The following NUP153 variants were observed in gnomAD, a reference collection of about 807,000 sequenced individuals.
NUP153 encodes nucleoporin 153.
A neutral mutation model predicts 134.6 loss-of-function variants in NUP153; 27 were observed. The ratio of observed to expected loss-of-function variants is 0.20; its 90% confidence interval spans 0.15 to 0.28. The LOEUF is 0.28. NUP153 is among the 10% of genes least tolerant of loss of function. The pLI is 1.00. For synonymous variants in NUP153, 640 were observed against 623.5 expected (o/e 1.03, Z -0.40); for missense variants, 1,821 against 1,731.3 (o/e 1.05, Z -0.92).
At position 17,628,992 on chromosome 6, in the gene NUP153, T is replaced by A; in HGVS notation, c.3207A>T (p.Glu1069Asp). The change falls in exon 18 of 22, where the codon GAA becomes GAT. Residue 1069 changes from glutamate to aspartate, a missense_variant. Glu to Asp is a conservative substitution (Grantham distance 45, BLOSUM62 2). Coordinates refer to ENST00000262077, the MANE Select transcript of NUP153 (RefSeq NM_005124.4). This position sits in a 1 kb window ranked among gnomAD's most constrained non-coding sequence, Gnocchi z 5.4. ...TGGCAGGCATTTCTTCTTTTTTAGC[T>A]TCTGATGTCTTACATGTGAAAGGAG... ...SVAPFTCKTS[E>D]AKKEEMPATK... 1 of 1,614,164 alleles carries A rather than the reference T, an allele frequency of 6.2e-7. No individual in the cohort carries two copies. The highest frequency in any genetic ancestry group is 1.1e-5 in the South Asian group (1 of 91,078).
At position 17,640,048 on chromosome 6, in the gene NUP153, T is replaced by C. The variant is rs368424345; in HGVS notation, c.1737A>G (p.Thr579=). 5 of 1,587,456 alleles carry C rather than the reference T, an allele frequency of 3.1e-6. No individual in the cohort carries two copies. The highest frequency in any genetic ancestry group is 3.4e-6 in the Non-Finnish European group (4 of 1,168,718). The change falls in exon 15 of 22, where the codon ACA becomes ACG. Residue 579 remains threonine, a synonymous_variant. Coordinates refer to ENST00000262077, the MANE Select transcript of NUP153 (RefSeq NM_005124.4). ...IISSSAHHVT[T]VNSTNCKKTP... ...TCTTCTTACAATTTGTACTGTTCAC[T>C]GTAGTGACATGATGAGCTGTAATTT...
At chr6:17,618,486 G>A (rs1328695495) in intron 20 of NUP153, among the ~76,000 whole-genome samples, 5 of 151,746 alleles carry the variant, frequency 3.3e-5, no homozygotes, top group Non-Finnish European at 5.9e-5. Context: ...GAACCCAGAG[G>A]GGCATAAAAA....
intron 13 of NUP153, among the ~76,000 whole-genome samples, chr6:17,646,452 C>T (rs1266448337): frequency 5.3e-5 from 8 of 152,078 alleles, no homozygotes; most frequent in South Asian, 2.1e-4. Flanking sequence ...GTGATCCGCC[C>T]GCCTCGGCCT....
At chr6:17,696,679 C>T (rs1157660373) in intron 1 of NUP153, among the ~76,000 whole-genome samples, 4 of 151,496 alleles carry the variant, frequency 2.6e-5, no homozygotes, top group Admixed American at 6.6e-5. Context: ...GGCGTGAACC[C>T]GGCAGGCGGA....
chr6:17,629,439 G>A lies in NUP153; in HGVS notation c.2760C>T (p.Ser920=), dbSNP rs2113773129. The A allele has an allele frequency of 6.2e-7, 1 of 1,614,016 alleles. No individual in the cohort carries two copies. The highest frequency in any genetic ancestry group is 8.5e-7 in the Non-Finnish European group (1 of 1,179,988). The change falls in exon 18 of 22, where the codon AGC becomes AGT. Residue 920 remains serine (S), a synonymous_variant. Coordinates refer to ENST00000262077, the MANE Select transcript of NUP153 (RefSeq NM_005124.4). ...SSSGPSQTLT[S]TGNFKFGDQG... ...GATCTCCAAATTTAAAATTTCCAGT[G>A]CTTGTTAAAGTCTGAGAAGGCCCAG...
At chr6:17,632,607 A>G (rs1376666467) in intron 17 of NUP153, 43 bp downstream of exon 17, 1 of 1,490,596 alleles carries the variant, frequency 6.7e-7, no homozygotes, top group African/African-American at 1.4e-5. Flanking sequence ...CCTTACAAAA[A>G]GGCGCTTTAC....
chr6:17,691,098 C>T (rs1009089266), intron 1 of NUP153, among the ~76,000 whole-genome samples: 4 of 152,056 alleles, frequency 2.6e-5, no homozygotes, highest in African/African-American at 9.7e-5. Context: ...GCTAAGATCA[C>T]GCCATTGCAC....
chr6:17,667,457 G>A (rs1767600230), intron 8 of NUP153, among the ~76,000 whole-genome samples: 1 of 152,206 alleles, frequency 6.6e-6, no homozygotes, highest in South Asian at 2.1e-4. Context: ...GCTCACGCCT[G>A]TAATCCCAGC....
Position 17,616,132 on chromosome 6 carries a change from G to A in NUP153, c.4393C>T (p.Arg1465Cys), listed in dbSNP as rs1764303191. Residue 1465 changes from arginine to cysteine, a missense_variant, in exon 22 of 22, where the codon CGC (arginine) becomes TGC (cysteine). Coordinates refer to ENST00000262077, the MANE Select transcript of NUP153 (RefSeq NM_005124.4). ...CGTCTAACAGCAGTCTTTATCTTGC[G>A]ACCAGAGAATGAAGTTCCAGAAGAA... ...FSSSGTSFSG[R>C]KIKTAVRRRK is the part of the protein sequence containing the mutation. The A allele has an allele frequency of 2.5e-6, 4 of 1,613,686 alleles. No homozygotes were observed. The highest frequency in any genetic ancestry group is 1.1e-5 in the South Asian group (1 of 91,026).
intron 14 of NUP153, among the ~76,000 whole-genome samples, chr6:17,643,345 G>A (rs1232395736): frequency 6.6e-6 from 1 of 152,132 alleles, no homozygotes. Flanking sequence ...GGTGGCAGGT[G>A]CCTGTAATCA....
chr6:17,632,596 G>T, intron 17 of NUP153, 54 bp downstream of exon 17: 2 of 1,346,372 alleles, frequency 1.5e-6, no homozygotes, highest in Non-Finnish European at 2.0e-6. Context: ...TTTTTAAATG[G>T]CCTTACAAAA....
rs552097641 is a variant in NUP153, at chr6:17,686,378, T to C, written c.334+2018A>G. ...CTAGGTTAATGTGCGCATGTCTTAA[T>C]TGTTAACAAACCTTTTTTTTATTTC... On this transcript the variant is annotated intron_variant, in intron 2 of 21. Coordinates refer to ENST00000262077, the MANE Select transcript of NUP153 (RefSeq NM_005124.4). Among the ~76,000 whole-genome samples, 3 of 152,134 alleles carry C rather than the reference T, an allele frequency of 2.0e-5. No individual in the cohort carries two copies. In the East Asian group the frequency reaches 5.8e-4, roughly 29 times the overall value.
At chr6:17,682,257 CA>C (rs750291085) in intron 2 of NUP153, among the ~76,000 whole-genome samples, 10 of 152,188 alleles carry the variant, frequency 6.6e-5, no homozygotes, top group Non-Finnish European at 1.3e-4. Flanking sequence ...AAATTGCTAA[CA>C]AATAACAATC....
chr6:17,697,056 G>C (rs1769697722), intron 1 of NUP153, among the ~76,000 whole-genome samples: 1 of 150,810 alleles, frequency 6.6e-6, no homozygotes, highest in Admixed American at 6.6e-5. Context: ...GGGCTACAGA[G>C]CAAGACTCCG....
chr6:17,668,414 G>C (rs1402898812), intron 8 of NUP153, among the ~76,000 whole-genome samples: 1 of 151,926 alleles, frequency 6.6e-6, no homozygotes, highest in African/African-American at 2.4e-5. Flanking sequence ...AAAGGTAACA[G>C]TAAGCCATAA....
intron 8 of NUP153, among the ~76,000 whole-genome samples, chr6:17,666,788 A>C (rs1344557803): frequency 6.6e-6 from 1 of 152,234 alleles, no homozygotes; most frequent in Non-Finnish European, 1.5e-5. Flanking sequence ...ATAAAGCCAG[A>C]AGCTTCTAAC....
chr6:17,650,598 C>G (rs182061579), intron 11 of NUP153, among the ~76,000 whole-genome samples: 57 of 151,982 alleles, frequency 3.8e-4, no homozygotes, highest in Admixed American at 3.7e-3. Flanking sequence ...AAAATTGATC[C>G]AAAAGCCCAA....
rs1320118767 is a variant in NUP153, at chr6:17,669,416, T to C, written c.969+14A>G. 1.2e-6 allele frequency: 2 copies of C among 1,607,078 alleles called. No individual in the cohort carries two copies. Among genetic ancestry groups the C allele is most frequent in the South Asian group, 1.1e-5 (1 of 90,950 alleles). On this transcript the variant is annotated intron_variant, in intron 6 of 21. Transcript: ENST00000262077. ...TGTTACACTCCTGTATTAATCGTGA[T>C]TTTAAAAATTTACCGCTAAAGGGCT...
intron 1 of NUP153, among the ~76,000 whole-genome samples, chr6:17,695,670 T>C (rs947077444): frequency 6.6e-6 from 1 of 152,142 alleles, no homozygotes; most frequent in African/African-American, 2.4e-5. Flanking sequence ...TTTAAAAAAC[T>C]ACTACGGAAA....
Sources: allele counts gnomAD v4.1 joint callset (sites outside exome capture counted in the v4.1 genomes callset), GRCh38; gene constraint gnomAD v4.1.1; non-coding constraint Gnocchi (gnomAD v3.1); transcripts MANE v1.5; gene names NCBI Gene and HGNC (gene_info 2026-07-23, HGNC 2026-07-21).